NSUN7: variants seen among roughly 807,000 people sequenced by gnomAD.
NSUN7 encodes NOP2/Sun RNA methyltransferase family member 7, also known as protein NSUN7.
NSUN7 carries 39 observed loss-of-function variants against 58.5 expected under a neutral mutation model. That is an observed-to-expected ratio of 0.67 (90% CI 0.52 to 0.87). The LOEUF (loss-of-function observed/expected upper bound fraction) is 0.87. Among genes scored for constraint, NSUN7 ranks in the 40% least tolerant of loss-of-function variants. NSUN7 has a pLI of 0.00. For synonymous variants in NSUN7, 278 were observed against 303.7 expected, an observed-to-expected ratio of 0.92 and a Z score of 0.88; for missense variants, 765 against 844.1, an observed-to-expected ratio of 0.91 and a Z score of 1.16.
chr4:40,787,871 G>T (rs889518952), intron 7 of NSUN7, among the ~76,000 whole-genome samples: 1 of 152,048 alleles, frequency 6.6e-6, no homozygotes, highest in Non-Finnish European at 1.5e-5. Context: ...TTGCTCTGTC[G>T]CCCAGACGAC....
At chr4:40,799,085 T>TTTG (rs1743456738) in intron 10 of NSUN7, among the ~76,000 whole-genome samples, 181 bp downstream of exon 10, 1 of 139,646 alleles carries the variant, frequency 7.2e-6, no homozygotes, top group Non-Finnish European at 1.5e-5. Context: ...TTTTTTTTTT[T>TTTG]TTTTTTTTTT....
At chr4:40,804,880 C>T (rs1743750443) in intron 10 of NSUN7, among the ~76,000 whole-genome samples, 1 of 152,180 alleles carries the variant, frequency 6.6e-6, no homozygotes, top group Non-Finnish European at 1.5e-5. Flanking sequence ...ACTGCATCCC[C>T]TACTGTCAGC....
chr4:40,808,132 A>G (rs1344053262), intron 11 of NSUN7, among the ~76,000 whole-genome samples, 175 bp from the exon 12 acceptor site: 1 of 150,508 alleles, frequency 6.6e-6, no homozygotes, highest in Non-Finnish European at 1.5e-5. Context: ...TTGTTTTTTT[A>G]AAAAGGCATT....
rs1741392874 is a variant in NSUN7, at chr4:40,760,443, T to C, written c.308T>C (p.Ile103Thr). 2 of 1,609,574 alleles carry C rather than the reference T, an allele frequency of 1.2e-6. No individual in the cohort carries two copies. Among genetic ancestry groups the C allele is most frequent in the Non-Finnish European group, 8.5e-7 (1 of 1,177,826 alleles). ...TTCCCTTGTTTTGCAGATCAAGATA[T>C]TTTGGAAACTATATTGATAGACAGC... is the stretch of plus-strand genomic sequence containing the variant. ...LAFSALKYQDILETILIDSCI... is the reference protein window; with the variant it reads ...LAFSALKYQDTLETILIDSCI... The change falls in exon 3 of 12, where the codon ATT becomes ACT. Residue 103 changes from isoleucine (I) to threonine (T), a missense_variant. Transcript: ENST00000381782.
chr4:40,777,080 A>ACC (rs1742306086), intron 7 of NSUN7, among the ~76,000 whole-genome samples: 1 of 152,212 alleles, frequency 6.6e-6, no homozygotes, highest in Non-Finnish European at 1.5e-5. Flanking sequence ...TCAGGATTTG[A>ACC]CCAGGAGAGG....
intron 9 of NSUN7, 86 bp downstream of exon 9, chr4:40,794,562 A>G (rs1410421324): frequency 1.3e-6 from 1 of 768,264 alleles, no homozygotes; most frequent in African/African-American, 1.8e-5. Flanking sequence ...TAATCAAGCA[A>G]TGAAGTGTGA....
chr4:40,789,501 C>G (rs1434669932), intron 7 of NSUN7, among the ~76,000 whole-genome samples: 1 of 133,388 alleles, frequency 7.5e-6, no homozygotes, highest in Non-Finnish European at 1.5e-5. Flanking sequence ...GGTGTCGTTA[C>G]ATTTTAAAAG....
At position 40,786,123 on chromosome 4, in the gene NSUN7, G is replaced by A. The variant is rs545002390; in HGVS notation, c.1037-4479G>A. ...ATTTGCACCTGGAAATGGGGAATGG[G>A]CTATCAGACCAGACTTCTATCCTGT... On this transcript the variant is annotated intron_variant, in intron 7 of 11. Transcript: ENST00000381782. 109 of 1,572,326 alleles carry A rather than the reference G, an allele frequency of 6.9e-5. No individual in the cohort carries two copies. In the East Asian group the frequency reaches 2.4e-3, roughly 35 times the overall value.
chr4:40,795,586 T>G (rs1743287834), intron 9 of NSUN7, among the ~76,000 whole-genome samples: 1 of 152,178 alleles, frequency 6.6e-6, no homozygotes, highest in Non-Finnish European at 1.5e-5. Flanking sequence ...AAACATAAAA[T>G]TTGGCAACTC....
intron 10 of NSUN7, among the ~76,000 whole-genome samples, chr4:40,806,244 C>G (rs1050134796): frequency 1.2e-4 from 19 of 152,214 alleles, no homozygotes; most frequent in African/African-American, 4.6e-4. Context: ...ATTTGCCTGC[C>G]TCGGCCTCCC....
At chr4:40,797,224 G>A (rs1175022511) in intron 9 of NSUN7, among the ~76,000 whole-genome samples, 1 of 152,144 alleles carries the variant, frequency 6.6e-6, no homozygotes, top group Non-Finnish European at 1.5e-5. Flanking sequence ...GTGTGCCACA[G>A]TCCATGCCTT....
chr4:40,808,561 T>C lies in NSUN7; in HGVS notation c.1779T>C (p.Asn593=). Residue 593 remains asparagine, a synonymous_variant, in exon 12 of 12, where the codon AAT becomes AAC. Transcript: ENST00000381782. ...CAAAACCACCTCTTCCCCAGAAAAA[T>C]ACTGCTCAAGTGGGGGCTTCCTCAC... is the stretch of plus-strand genomic sequence containing the variant. ...TVTKPPLPQK[N]TAQVGASSQT... The C allele has an allele frequency of 6.4e-7, 1 of 1,551,556 alleles. No individual in the cohort carries two copies. The highest frequency in any genetic ancestry group is 8.7e-7 in the Non-Finnish European group (1 of 1,146,970).
At chr4:40,760,926 T>C (rs1367405660) in intron 3 of NSUN7, among the ~76,000 whole-genome samples, 2 of 150,766 alleles carry the variant, frequency 1.3e-5, no homozygotes, top group Admixed American at 6.6e-5. Flanking sequence ...AAATCTTAAA[T>C]ATAGATTCCT....
At chr4:40,753,922 C>T (rs377274971) in intron 2 of NSUN7, among the ~76,000 whole-genome samples, 1 of 152,110 alleles carries the variant, frequency 6.6e-6, no homozygotes, top group Non-Finnish European at 1.5e-5. Context: ...TTTCACCTTC[C>T]GCCATGATTG....
At position 40,761,266 on chromosome 4, in the gene NSUN7, A is replaced by G; in HGVS notation, c.453A>G (p.Ile151Met). ...TCCTTTCTGATAATGAAGAGCCCAT[A>G]TCAGAAGTTCAAGAAGTAGAGAACC... ...TRVLSDNEEP[I>M]SEVQEVENLL... is the part of the protein sequence containing the mutation. Residue 151 changes from isoleucine to methionine, a missense_variant, in exon 4 of 12, where the codon ATA becomes ATG. Transcript: ENST00000381782. 1.3e-6 allele frequency: 2 copies of G among 1,598,102 alleles called. No individual in the cohort carries two copies. Among genetic ancestry groups the G allele is most frequent in the Admixed American group, 1.8e-5 (1 of 55,018 alleles).
chr4:40,796,891 T>G (rs2154288968), intron 9 of NSUN7, among the ~76,000 whole-genome samples: 1 of 152,294 alleles, frequency 6.6e-6, no homozygotes, highest in African/African-American at 2.4e-5. Context: ...TTCCTGTAAC[T>G]TGCCTTTCCC....
intron 3 of NSUN7, 140 bp from the exon 4 acceptor site, chr4:40,761,031 C>T (rs1741436182): frequency 3.3e-6 from 2 of 610,606 alleles, no homozygotes; most frequent in Non-Finnish European, 2.7e-6. Context: ...TTTTGAAGAC[C>T]TTCCCAATCC....
chr4:40,764,521 A>G (rs1314857660), intron 4 of NSUN7, among the ~76,000 whole-genome samples: 1 of 152,086 alleles, frequency 6.6e-6, no homozygotes, highest in Non-Finnish European at 1.5e-5. Flanking sequence ...GCTATTGTGA[A>G]TAGTGCTGCA....
chr4:40,764,706 A>G (rs1577549314), intron 4 of NSUN7, among the ~76,000 whole-genome samples: 1 of 152,172 alleles, frequency 6.6e-6, no homozygotes, highest in African/African-American at 2.4e-5. Context: ...ACAGTGTTAA[A>G]GTGTTCCTAT....
Sources: gnomAD v4.1 joint callset for allele counts (sites outside exome capture counted in the v4.1 genomes callset) on GRCh38, gnomAD v4.1.1 for gene constraint, MANE v1.5 for transcripts, NCBI Gene and HGNC (gene_info 2026-07-23, HGNC 2026-07-21) for gene names.